Variants in FAM117B observed in about 807,000 individuals in gnomAD.
FAM117B encodes the protein family with sequence similarity 117 member B, also known as protein FAM117B.
Under a neutral mutation model 52.8 loss-of-function variants are expected in FAM117B, and 22 were observed. The ratio of observed to expected loss-of-function variants is 0.42; its 90% CI spans 0.30 to 0.59. The LOEUF is 0.59. Among genes scored for constraint, FAM117B ranks in the 20% least tolerant of loss-of-function variants. FAM117B has a pLI of 0.22. For missense variants in FAM117B, 678 were observed against 802.6 expected (o/e 0.84, Z 1.88); for synonymous variants, 309 against 324.1 (o/e 0.95, Z 0.50).
chr2:202,694,188 CTTT>C (rs757843381), intron 1 of FAM117B, among the ~76,000 whole-genome samples: 2 of 99,098 alleles, frequency 2.0e-5, no homozygotes, highest in Non-Finnish European at 3.9e-5. Flanking sequence ...AAACCCACTT[CTTT>C]TTTTTTTTTT....
intron 4 of FAM117B, among the ~76,000 whole-genome samples, chr2:202,740,889 C>T (rs189532671): frequency 2.6e-5 from 4 of 152,158 alleles, no homozygotes; most frequent in Admixed American, 2.6e-4. Flanking sequence ...GGGAAATGTC[C>T]ATGTATGTAG....
At chr2:202,745,940 T>A (rs1691624858) in intron 4 of FAM117B, among the ~76,000 whole-genome samples, 1 of 152,178 alleles carries the variant, frequency 6.6e-6, no homozygotes. Flanking sequence ...GAGCACCAAG[T>A]GTATAATGCA....
chr2:202,722,207 T>G (rs1691166656), intron 2 of FAM117B, among the ~76,000 whole-genome samples: 1 of 151,888 alleles, frequency 6.6e-6, no homozygotes, highest in African/African-American at 2.4e-5. Context: ...AGACGGGGTT[T>G]CACTATGTTG....
intron 4 of FAM117B, among the ~76,000 whole-genome samples, chr2:202,733,763 A>G (rs1224486752): frequency 1.3e-5 from 2 of 152,172 alleles, no homozygotes; most frequent in Non-Finnish European, 2.9e-5. Flanking sequence ...ATGTTTTACA[A>G]TCAGATTTCA....
intron 2 of FAM117B, among the ~76,000 whole-genome samples, chr2:202,716,768 A>T (rs1691063805): frequency 6.6e-6 from 1 of 152,102 alleles, no homozygotes; most frequent in African/African-American, 2.4e-5. Flanking sequence ...AAGCTCACTA[A>T]TTCTTTCCTC....
chr2:202,635,353 C>A lies in FAM117B; in HGVS notation c.166C>A (p.Arg56=). The change falls in exon 1 of 8, where the codon CGG becomes AGG. Residue 56 remains arginine (R), a synonymous_variant. Coordinates refer to ENST00000392238, the MANE Select transcript of FAM117B (RefSeq NM_173511.4). The part of the protein sequence containing the change: ...QQQQQHGSPT[R]SGGGGGGNNN... ...GCAGCAGCAACATGGCAGCCCCACGCGGAGCGGCGGCGGCGGCGGCGGCAA... is the reference window on the plus strand; with the variant it reads ...GCAGCAGCAACATGGCAGCCCCACGAGGAGCGGCGGCGGCGGCGGCGGCAA... 2 of 1,323,134 alleles carry A rather than the reference C, an allele frequency of 1.5e-6. No individual in the cohort carries two copies. The highest frequency in any genetic ancestry group is 1.8e-5 in the South Asian group (1 of 54,712). 82.0% of individuals were successfully genotyped at this position (1,323,134 alleles called of 1,614,324 possible). A position where few individuals can be genotyped will look rare whatever the true frequency, so the allele number is the denominator to read the frequency against.
At chr2:202,683,571 T>G (rs1690495025) in intron 1 of FAM117B, among the ~76,000 whole-genome samples, 1 of 152,088 alleles carries the variant, frequency 6.6e-6, no homozygotes, top group African/African-American at 2.4e-5. Flanking sequence ...CAAGATGAAA[T>G]GGACAAATTC....
chr2:202,714,536 T>TTC (rs1553521230), intron 2 of FAM117B, among the ~76,000 whole-genome samples: 1 of 145,706 alleles, frequency 6.9e-6, no homozygotes, highest in South Asian at 2.1e-4. Flanking sequence ...TTTTTTTCTT[T>TTC]TTTTTTTTTT....
At chr2:202,714,139 T>C (rs565671050) in intron 2 of FAM117B, among the ~76,000 whole-genome samples, 2 of 152,226 alleles carry the variant, frequency 1.3e-5, no homozygotes, top group African/African-American at 2.4e-5. Context: ...ATTATTGATA[T>C]CTAGTTTTAT....
In FAM117B at chr2:202,739,130, A is replaced by G. The variant is rs535956489; in HGVS notation, c.960+12767A>G. Reference sequence around the variant, plus strand: ...CTTGAACCCAGGAGGTGGAGGTTGCAGTGAGCTGAGATCATGCTGCTGCAC... The same window carrying G: ...CTTGAACCCAGGAGGTGGAGGTTGCGGTGAGCTGAGATCATGCTGCTGCAC... On this transcript the variant is annotated intron_variant, in intron 4 of 7. Transcript: ENST00000392238. 3.3e-5 allele frequency among the ~76,000 whole-genome samples: 5 copies of G among 152,288 alleles called. No homozygotes were observed. The East Asian group carries it at 7.7e-4, about 24-fold the overall frequency.
chr2:202,740,359 C>CAA (rs769846441), intron 4 of FAM117B, among the ~76,000 whole-genome samples: 870 of 65,400 alleles, frequency 0.013, 21 homozygotes, highest in African/African-American at 0.037. Context: ...GACTCTGCCT[C>CAA]AAAAAAAAAA....
intron 2 of FAM117B, among the ~76,000 whole-genome samples, chr2:202,717,764 G>A (rs545127279): frequency 1.5e-3 from 221 of 152,342 alleles, no homozygotes; most frequent in Non-Finnish European, 2.9e-3. Context: ...CCTGAAGCCA[G>A]CACAGCTTTT....
At chr2:202,755,729 T>G in intron 5 of FAM117B, 48 bp downstream of exon 5, 2 of 1,542,970 alleles carry the variant, frequency 1.3e-6, no homozygotes, top group Middle Eastern at 3.5e-4. Context: ...TTATAATTAT[T>G]AAAAATGCAC....
At chr2:202,686,045 G>A (rs1244441735) in intron 1 of FAM117B, among the ~76,000 whole-genome samples, 1 of 152,190 alleles carries the variant, frequency 6.6e-6, no homozygotes, top group Non-Finnish European at 1.5e-5. Context: ...CAGAGAACTT[G>A]CATCCAGAAT....
chr2:202,665,604 TTTG>T (rs1257083052), intron 1 of FAM117B, among the ~76,000 whole-genome samples: 1 of 152,096 alleles, frequency 6.6e-6, no homozygotes, highest in Non-Finnish European at 1.5e-5. Flanking sequence ...AAATCCTCTT[TTTG>T]TTGTTGTTGT....
chr2:202,716,651 G>A (rs1425528434), intron 2 of FAM117B, among the ~76,000 whole-genome samples: 1 of 151,904 alleles, frequency 6.6e-6, no homozygotes, highest in Admixed American at 6.6e-5. Flanking sequence ...TATTCAGTTT[G>A]CCCTTCTGAG....
At chr2:202,698,693 G>T (rs1690752178) in intron 2 of FAM117B, among the ~76,000 whole-genome samples, 1 of 152,112 alleles carries the variant, frequency 6.6e-6, no homozygotes, top group Admixed American at 6.6e-5. Context: ...AAAGCGCTAG[G>T]ATTACAGGCA....
chr2:202,668,292 G>A (rs1056288484), intron 1 of FAM117B, among the ~76,000 whole-genome samples: 40 of 145,884 alleles, frequency 2.7e-4, no homozygotes, highest in Admixed American at 9.0e-4. Flanking sequence ...TATTAAATGC[G>A]GTGGCATGCA....
At chr2:202,685,589 C>G (rs978364422) in intron 1 of FAM117B, among the ~76,000 whole-genome samples, 1 of 152,108 alleles carries the variant, frequency 6.6e-6, no homozygotes, top group East Asian at 1.9e-4. Flanking sequence ...ACTTACATTG[C>G]GTTTGGACAG....
Sources: gnomAD v4.1 joint callset for allele counts (sites outside exome capture counted in the v4.1 genomes callset) on GRCh38, gnomAD v4.1.1 for gene constraint, MANE v1.5 for transcripts, NCBI Gene and HGNC (gene_info 2026-07-23, HGNC 2026-07-21) for gene names.